Variants in AGBL4 observed in about 807,000 individuals in gnomAD.
AGBL4 encodes AGBL carboxypeptidase 4.
AGBL4 carries 58 observed loss-of-function variants against 66.4 expected under a neutral mutation model. That is an observed-to-expected ratio of 0.87 (90% CI 0.71 to 1.09). AGBL4 has a LOEUF of 1.09. AGBL4 is among the 50% of genes least tolerant of loss of function. The probability of loss-of-function intolerance (pLI) is 0.00; values close to 1 mark genes in which losing one functional copy is unlikely to be tolerated. For synonymous variants in AGBL4, 234 were observed against 222.9 expected, an observed-to-expected ratio of 1.05 and a Z score of -0.44; for missense variants, 579 against 631.0, an observed-to-expected ratio of 0.92 and a Z score of 0.88.
chr1:49,957,901 G>T (rs901734574), intron 1 of AGBL4, among the ~76,000 whole-genome samples: 1 of 151,856 alleles, frequency 6.6e-6, no homozygotes, highest in Non-Finnish European at 1.5e-5. Flanking sequence ...ATCCTGTCAT[G>T]ATGATGTTAG....
At chr1:49,779,624 T>C (rs1030482930) in intron 2 of AGBL4, among the ~76,000 whole-genome samples, 4 of 152,216 alleles carry the variant, frequency 2.6e-5, no homozygotes, top group Admixed American at 2.0e-4. Flanking sequence ...AATTCACACA[T>C]ACACACGAGT....
rs187015853 is a variant in AGBL4, at chr1:49,356,511, T to A, written c.283-110647A>T. 3.3e-4 allele frequency among the ~76,000 whole-genome samples: 50 copies of A among 152,334 alleles called. 1 individual carries two copies. Among genetic ancestry groups the A allele is most frequent in the Admixed American group, 5.9e-4 (9 of 15,300 alleles). ...CTTCTATCACCTTACATTTTTCAAA[T>A]ACCCCCACCTCACCATCTCAAAATG... On this transcript the variant is annotated intron_variant, in intron 3 of 13. Transcript: ENST00000371839.
At chr1:48,831,656 T>C (rs967201247) in intron 6 of AGBL4, among the ~76,000 whole-genome samples, 1 of 152,202 alleles carries the variant, frequency 6.6e-6, no homozygotes. Context: ...GTACTTAATA[T>C]GGGATAGCTG....
At chr1:49,902,814 C>T (rs1009793419) in intron 1 of AGBL4, among the ~76,000 whole-genome samples, 1 of 152,142 alleles carries the variant, frequency 6.6e-6, no homozygotes, top group African/African-American at 2.4e-5. Context: ...CCATCTCACA[C>T]CAGTCAGAAT....
chr1:49,845,024 A>G, intron 2 of AGBL4: 2 of 1,437,934 alleles, frequency 1.4e-6, no homozygotes, highest in South Asian at 2.5e-5. Flanking sequence ...GGAAAAAGGG[A>G]GAAGCCAGAC....
intron 3 of AGBL4, among the ~76,000 whole-genome samples, chr1:49,577,330 G>A (rs555419738): frequency 6.6e-6 from 1 of 152,210 alleles, no homozygotes; most frequent in African/African-American, 2.4e-5. Flanking sequence ...TGGTGGCAAG[G>A]ATGGAGGTTA....
At chr1:48,587,864 G>A (rs993133577) in intron 10 of AGBL4, among the ~76,000 whole-genome samples, 2 of 151,388 alleles carry the variant, frequency 1.3e-5, no homozygotes, top group South Asian at 2.1e-4. Context: ...GGATGGTCTC[G>A]ATCTCCTGAC....
At chr1:49,884,303 GT>G (rs1264200260) in intron 1 of AGBL4, among the ~76,000 whole-genome samples, 1 of 151,734 alleles carries the variant, frequency 6.6e-6, no homozygotes, top group Non-Finnish European at 1.5e-5. Context: ...TGTTCTGAAG[GT>G]TATGTAAAAC....
chr1:48,871,353 T>TTTTGTG (rs1553247481), intron 5 of AGBL4, among the ~76,000 whole-genome samples: 2 of 140,978 alleles, frequency 1.4e-5, no homozygotes, highest in Non-Finnish European at 3.1e-5. Flanking sequence ...GTAGTAGTGG[T>TTTTGTG]TGTGTGTGTG....
intron 6 of AGBL4, among the ~76,000 whole-genome samples, chr1:48,783,474 A>G (rs1425578319): frequency 6.6e-6 from 1 of 152,184 alleles, no homozygotes; most frequent in Admixed American, 6.5e-5. Flanking sequence ...CTTAGAGGGA[A>G]TGTAAACTTG....
intron 3 of AGBL4, among the ~76,000 whole-genome samples, chr1:49,473,043 C>A (rs966262788): frequency 2.6e-5 from 4 of 152,020 alleles, no homozygotes; most frequent in African/African-American, 9.7e-5. Flanking sequence ...TTTTCTTTAT[C>A]CAATCCACCA....
At chr1:49,880,280 A>G (rs1011659600) in intron 1 of AGBL4, among the ~76,000 whole-genome samples, 3 of 151,496 alleles carry the variant, frequency 2.0e-5, no homozygotes, top group Admixed American at 6.6e-5. Flanking sequence ...TTTTTTCCCC[A>G]TCTTTGTGGT....
chr1:49,023,939 T>G (rs1663440147), intron 5 of AGBL4, among the ~76,000 whole-genome samples: 1 of 152,148 alleles, frequency 6.6e-6, no homozygotes, highest in South Asian at 2.1e-4. Flanking sequence ...CCTGAGAAAC[T>G]AAGTTCAGTC....
In AGBL4 at chr1:49,768,456, C is replaced by T. The variant is rs543781112; in HGVS notation, c.158-71019G>A. ...ATCATCTCAACTGACACAGAAAATG[C>T]TTTTGATAGAAACCCATATCTTTTT... On this transcript the variant is annotated intron_variant, in intron 2 of 13. Coordinates refer to ENST00000371839, the MANE Select transcript of AGBL4 (RefSeq NM_032785.4). Among the ~76,000 whole-genome samples the T allele has an allele frequency of 3.9e-5, 6 of 152,208 alleles. No homozygotes were observed. In the East Asian group the frequency reaches 9.7e-4, roughly 25 times the overall value.
chr1:48,993,349 G>A (rs1402938871), intron 5 of AGBL4, among the ~76,000 whole-genome samples: 2 of 152,138 alleles, frequency 1.3e-5, no homozygotes, highest in African/African-American at 2.4e-5. Context: ...TGACTGAGGT[G>A]GTATCCAAGT....
chr1:49,011,250 T>C (rs11205586), intron 5 of AGBL4, among the ~76,000 whole-genome samples: 1,944 of 151,814 alleles, frequency 0.013, 40 homozygotes, highest in African/African-American at 0.044. Context: ...CAAAAGAAGA[T>C]ATTTATGCAG....
chr1:49,548,568 T>C (rs1652695042), intron 3 of AGBL4, among the ~76,000 whole-genome samples: 2 of 152,248 alleles, frequency 1.3e-5, no homozygotes, highest in South Asian at 4.1e-4. Flanking sequence ...GTTTATATGG[T>C]GTATCACATT....
chr1:49,579,508 C>CT (rs150552755), intron 3 of AGBL4, among the ~76,000 whole-genome samples: 27 of 151,148 alleles, frequency 1.8e-4, no homozygotes, highest in South Asian at 4.2e-4. Context: ...GTAGAATTTT[C>CT]TTTTTTTTTG....
At chr1:49,444,983 T>C (rs948095018) in intron 3 of AGBL4, among the ~76,000 whole-genome samples, 5 of 151,970 alleles carry the variant, frequency 3.3e-5, no homozygotes, top group African/African-American at 4.8e-5. Context: ...GTTTTCATGA[T>C]GGCAAAAGTA....
Sources: allele counts gnomAD v4.1 joint callset (sites outside exome capture counted in the v4.1 genomes callset), GRCh38; gene constraint gnomAD v4.1.1; transcripts MANE v1.5; gene names NCBI Gene and HGNC (gene_info 2026-07-23, HGNC 2026-07-21).